MCRIP2: variants seen among roughly 807,000 people sequenced by gnomAD.
MCRIP2 encodes the protein MAPK regulated co-repressor interacting protein 2.
Under a neutral mutation model 23.2 loss-of-function variants are expected in MCRIP2, and 21 were observed. The ratio of observed to expected loss-of-function variants is 0.90; its 90% CI spans 0.64 to 1.30. The LOEUF (loss-of-function observed/expected upper bound fraction) is 1.30, where lower values mean the gene tolerates loss of function less well. MCRIP2 is among the 50% of genes most tolerant of loss of function. The probability of loss-of-function intolerance (pLI) is 0.00; values close to 1 mark genes in which losing one functional copy is unlikely to be tolerated. For synonymous variants in MCRIP2, 121 were observed against 100.2 expected (o/e 1.21, Z -1.24); for missense variants, 234 against 223.2 (o/e 1.05, Z -0.31).
Position 642,170 on chromosome 16 carries a change from C to A in MCRIP2, c.103C>A (p.Arg35=). ...CCGGCTCGGCGAGCTCCTGAAATGCCGGCAGCCCGCGCCGCCGACCTCGCA... is the reference window on the plus strand; with the variant it reads ...CCGGCTCGGCGAGCTCCTGAAATGCAGGCAGCCCGCGCCGCCGACCTCGCA... ...EGRLGELLKC[R]QPAPPTSQPP... The change falls in exon 2 of 5, where the codon CGG becomes AGG. Residue 35 remains arginine (R), a synonymous_variant. Coordinates refer to ENST00000307650, the MANE Select transcript of MCRIP2 (RefSeq NM_138418.4). The A allele has an allele frequency of 7.4e-7, 1 of 1,349,566 alleles. No individual in the cohort carries two copies. The highest frequency in any genetic ancestry group is 9.6e-7 in the Non-Finnish European group (1 of 1,046,824). 83.6% of individuals were successfully genotyped at this position (1,349,566 alleles called of 1,614,324 possible).
chr16:648,410 G>C lies in MCRIP2; in HGVS notation c.*220G>C, dbSNP rs1324912867. 2 of 574,190 alleles carry C rather than the reference G, an allele frequency of 3.5e-6. No homozygotes were observed. Among genetic ancestry groups the C allele is most frequent in the African/African-American group, 3.8e-5 (2 of 52,824 alleles). The allele number at this position is 574,190 out of a possible 1,614,324, so 35.6% of individuals were successfully genotyped here. A position where few individuals can be genotyped will look rare whatever the true frequency, so the allele number is the denominator to read the frequency against. On this transcript the variant is annotated 3_prime_UTR_variant, in exon 5 of 5. Coordinates refer to ENST00000307650, the MANE Select transcript of MCRIP2 (RefSeq NM_138418.4). ...CTCAGCCCTGCTCACTGTGCCCAGG[G>C]ACCAGCGACCAGCCCCTGGGGCTGG...
intron 2 of MCRIP2, among the ~76,000 whole-genome samples, chr16:644,237 A>ACACC (rs1436455360): frequency 6.6e-6 from 1 of 151,944 alleles, no homozygotes; most frequent in African/African-American, 2.4e-5. Context: ...GTGCACTGCC[A>ACACC]CACCCAGCTA....
At chr16:644,034 A>G (rs774321340) in intron 2 of MCRIP2, among the ~76,000 whole-genome samples, 42 of 152,128 alleles carry the variant, frequency 2.8e-4, no homozygotes, top group Non-Finnish European at 5.9e-4. Flanking sequence ...GGATCTCTGC[A>G]TGAAGCCCCC....
intron 2 of MCRIP2, 90 bp from the exon 3 acceptor site, chr16:647,327 T>C (rs2037507966): frequency 3.2e-6 from 5 of 1,559,882 alleles, no homozygotes; most frequent in Non-Finnish European, 4.3e-6. Flanking sequence ...CTGGGGAAAG[T>C]GGGCTGGCCC....
chr16:647,814 T>C lies in MCRIP2; in HGVS notation c.342T>C (p.Gly114=). The C allele has an allele frequency of 6.3e-7, 1 of 1,575,852 alleles. No homozygotes were observed. Among genetic ancestry groups the C allele is most frequent in the Middle Eastern group, 1.7e-4 (1 of 5,950 alleles). Residue 114 remains glycine (G), a synonymous_variant, in exon 4 of 5, where the codon GGT becomes GGC. Transcript: ENST00000307650. ...AGCAGGTGCAACAGCAGCTGGATGG[T>C]GGCCCAGCCGGTGAGGGCGGGCCAA... The part of the protein sequence containing the change: ...AWQQVQQQLD[G]GPAGEGGPRP...
Position 642,296 on chromosome 16 carries a change from C to A in MCRIP2, c.182+47C>A, listed in dbSNP as rs2037366027. The A allele has an allele frequency of 3.5e-6, 4 of 1,144,750 alleles. No individual in the cohort carries two copies. The African/African-American group carries it at 6.5e-5, about 19-fold the overall frequency. 70.9% of individuals were successfully genotyped at this position (1,144,750 alleles called of 1,614,324 possible). ...CCCGGCCCGGCCCGGCTTCCCCTCC[C>A]CCGCCGGCCGCCCTAGAGCGGAGGG... On this transcript the variant is annotated intron_variant, in intron 2 of 4. Coordinates refer to ENST00000307650, the MANE Select transcript of MCRIP2 (RefSeq NM_138418.4).
intron 2 of MCRIP2, 174 bp from the exon 3 acceptor site, chr16:647,243 A>C (rs1360307218): frequency 2.5e-6 from 2 of 797,856 alleles, no homozygotes; most frequent in Non-Finnish European, 3.9e-6. Context: ...TGGGGACTGC[A>C]AGAGAGGCCT....
At position 647,893 on chromosome 16, in the gene MCRIP2, C is replaced by T. The variant is rs760751146; in HGVS notation, c.412+9C>T. The T allele has an allele frequency of 2.8e-6, 4 of 1,420,646 alleles. No individual in the cohort carries two copies. Among genetic ancestry groups the T allele is most frequent in the East Asian group, 2.9e-5 (1 of 34,544 alleles). The allele number at this position is 1,420,646 out of a possible 1,614,324, so 88.0% of individuals were successfully genotyped here. ...CAATCCCCGGCTGCAGAGTGAGCCC[C>T]CCAACCCTGTCCCCCCAGGAGAGAC... On this transcript the variant is annotated intron_variant, in intron 4 of 4. Coordinates refer to ENST00000307650, the MANE Select transcript of MCRIP2 (RefSeq NM_138418.4).
At chr16:645,570 G>A (rs899813400) in intron 2 of MCRIP2, 1 of 152,244 alleles carries the variant, frequency 6.6e-6, no homozygotes, top group African/African-American at 2.4e-5. Flanking sequence ...ATACACCTTT[G>A]ACAAGTTCTT....
chr16:647,084 G>A, intron 2 of MCRIP2: 1 of 332,724 alleles, frequency 3.0e-6, no homozygotes, highest in Non-Finnish European at 5.6e-6. Context: ...GCAGGTGGCA[G>A]CATGGGCACC....
chr16:642,190 C>T lies in MCRIP2; in HGVS notation c.123C>T (p.Thr41=). ...LLKCRQPAPP[T]SQPPRAQPFA... The stretch of plus-strand genomic sequence containing the variant: ...AATGCCGGCAGCCCGCGCCGCCGAC[C>T]TCGCAGCCCCCGCGGGCGCAGCCCT... The change falls in exon 2 of 5, where the codon ACC becomes ACT. Residue 41 remains threonine, a synonymous_variant. Coordinates refer to ENST00000307650, the MANE Select transcript of MCRIP2 (RefSeq NM_138418.4). 1 of 1,329,892 alleles carries T rather than the reference C, an allele frequency of 7.5e-7. No individual in the cohort carries two copies. Among genetic ancestry groups the T allele is most frequent in the Non-Finnish European group, 9.6e-7 (1 of 1,037,076 alleles). The allele number at this position is 1,329,892 out of a possible 1,614,324, so 82.4% of individuals were successfully genotyped here. A position where few individuals can be genotyped will look rare whatever the true frequency, so the allele number is the denominator to read the frequency against.
In MCRIP2 at chr16:641,961, G is replaced by A; in HGVS notation, c.-31G>A. On this transcript the variant is annotated 5_prime_UTR_variant, in exon 1 of 5. Coordinates refer to ENST00000307650, the MANE Select transcript of MCRIP2 (RefSeq NM_138418.4). ...CCGGCGCAGGGGCCGGATCTGGCCG[G>A]GGGCCGGCGGCGGTGTGGGAGCGGC... 1 of 1,305,586 alleles carries A rather than the reference G, an allele frequency of 7.7e-7. No homozygotes were observed. The highest frequency in any genetic ancestry group is 1.6e-5 in the African/African-American group (1 of 64,442). 80.9% of individuals were successfully genotyped at this position (1,305,586 alleles called of 1,614,324 possible). A position where few individuals can be genotyped will look rare whatever the true frequency, so the allele number is the denominator to read the frequency against.
intron 2 of MCRIP2, among the ~76,000 whole-genome samples, chr16:644,763 G>T (rs925135801): frequency 6.7e-6 from 1 of 149,784 alleles, no homozygotes; most frequent in African/African-American, 2.5e-5. Context: ...TCTTCTCCTT[G>T]GTGCTTTTTG....
chr16:647,226 G>A (rs2037505583), intron 2 of MCRIP2, 191 bp from the exon 3 acceptor site: 4 of 669,470 alleles, frequency 6.0e-6, no homozygotes, highest in Admixed American at 5.6e-5. Flanking sequence ...CTGAGCTGCC[G>A]ATGGCTTGGG....
chr16:647,212 T>G, intron 2 of MCRIP2: 3 of 626,326 alleles, frequency 4.8e-6, no homozygotes, highest in Non-Finnish European at 8.3e-6. Flanking sequence ...GCTGCAGGTG[T>G]GAGCTGAGCT....
intron 2 of MCRIP2, chr16:647,093 C>A (rs1567210449): frequency 2.9e-6 from 1 of 345,664 alleles, no homozygotes; most frequent in East Asian, 5.4e-5. Flanking sequence ...AGCATGGGCA[C>A]CTGCAAGACC....
rs139969449 is a variant in MCRIP2 at position 641,917 on chromosome 16, A to C, written c.-75A>C. ...CCCGCCCCCTCCCCGCGGCGCCCGCAGTCCGTTAAGTGCGAGCCCCGGCGC... is the reference window on the plus strand; with the variant it reads ...CCCGCCCCCTCCCCGCGGCGCCCGCCGTCCGTTAAGTGCGAGCCCCGGCGC... On this transcript the variant is annotated 5_prime_UTR_variant, in exon 1 of 5. Coordinates refer to ENST00000307650, the MANE Select transcript of MCRIP2 (RefSeq NM_138418.4). The C allele has an allele frequency of 0.016, 19,371 of 1,224,012 alleles. 2,142 individuals are homozygous for C. The African/African-American group carries it at 0.25, about 16-fold the overall frequency. 75.8% of individuals were successfully genotyped at this position (1,224,012 alleles called of 1,614,324 possible). A position where few individuals can be genotyped will look rare whatever the true frequency, so the allele number is the denominator to read the frequency against.
At chr16:644,641 T>C (rs1319195149) in intron 2 of MCRIP2, among the ~76,000 whole-genome samples, 4 of 152,100 alleles carry the variant, frequency 2.6e-5, no homozygotes, top group Non-Finnish European at 5.9e-5. Flanking sequence ...GGTCTCACTA[T>C]GTGGCCCAGG....
chr16:648,020 C>A (rs1241723662), intron 4 of MCRIP2, 100 bp from the exon 5 acceptor site: 4 of 1,298,492 alleles, frequency 3.1e-6, no homozygotes, highest in African/African-American at 2.9e-5. Flanking sequence ...CAGCGCCTGC[C>A]GCACTCGGAG....
Sources: allele counts gnomAD v4.1 joint callset (sites outside exome capture counted in the v4.1 genomes callset), GRCh38; gene constraint gnomAD v4.1.1; transcripts MANE v1.5; gene names NCBI Gene and HGNC (gene_info 2026-07-23, HGNC 2026-07-21).